The following PHLPP1 variants were observed in gnomAD, a reference collection of about 807,000 sequenced individuals.
The protein encoded by PHLPP1 is PH domain leucine-rich repeat-containing protein phosphatase 1.
Under a neutral mutation model 117.2 loss-of-function variants are expected in PHLPP1, and 42 were observed. That is an observed-to-expected ratio of 0.36 (90% CI 0.28 to 0.46). PHLPP1 has a LOEUF of 0.46. PHLPP1 is among the 20% of genes least tolerant of loss of function. The probability of loss-of-function intolerance (pLI) is 1.00; values close to 1 mark genes in which losing one functional copy is unlikely to be tolerated. For missense variants in PHLPP1, 2,084 were observed against 2,241.9 expected (o/e 0.93, Z 1.42); for synonymous variants, 1,042 against 970.7 (o/e 1.07, Z -1.37).
chr18:62,802,304 G>C (rs34859970), intron 1 of PHLPP1, among the ~76,000 whole-genome samples: 1 of 152,186 alleles, frequency 6.6e-6, no homozygotes, highest in Admixed American at 6.5e-5. Context: ...GAGCAACCCA[G>C]GAAGGAAGTG....
Position 62,716,151 on chromosome 18 carries a change from C to A in PHLPP1, c.468C>A (p.Gly156=). The change falls in exon 1 of 17, where the codon GGC becomes GGA. Residue 156 remains glycine (G), a synonymous_variant. Transcript: ENST00000262719. The surrounding 1 kb of genome is among the most constrained non-coding windows in gnomAD (Gnocchi z 5.7). ...AAASHSPGAA[G]LPASCSASAS... ...CCTCGCACTCCCCCGGCGCTGCCGG[C>A]CTCCCCGCCTCCTGCTCGGCCTCGG... The A allele has an allele frequency of 6.6e-7, 1 of 1,518,140 alleles. No individual in the cohort carries two copies. Among genetic ancestry groups the A allele is most frequent in the Non-Finnish European group, 8.8e-7 (1 of 1,139,126 alleles). 94.0% of individuals were successfully genotyped at this position (1,518,140 alleles called of 1,614,324 possible).
chr18:62,976,307 A>G (rs967598974), intron 16 of PHLPP1, among the ~76,000 whole-genome samples: 2 of 152,200 alleles, frequency 1.3e-5, no homozygotes, highest in African/African-American at 4.8e-5. Context: ...CCCACAATGC[A>G]CAGGGCAGTC....
At chr18:62,900,520 C>G (rs935561875) in intron 6 of PHLPP1, among the ~76,000 whole-genome samples, 2 of 130,214 alleles carry the variant, frequency 1.5e-5, no homozygotes, top group Non-Finnish European at 3.1e-5. Flanking sequence ...GTTACCCAAG[C>G]TGTGGTGCAA....
At chr18:62,798,188 T>C (rs1304949200) in intron 1 of PHLPP1, among the ~76,000 whole-genome samples, 1 of 152,136 alleles carries the variant, frequency 6.6e-6, no homozygotes, top group Admixed American at 6.5e-5. Flanking sequence ...GCCCACAAAT[T>C]TGCTTTTCTA....
At chr18:62,967,583 C>T (rs1339783304) in intron 14 of PHLPP1, among the ~76,000 whole-genome samples, 1 of 151,538 alleles carries the variant, frequency 6.6e-6, no homozygotes, top group African/African-American at 2.4e-5. Flanking sequence ...TTTGTAGACA[C>T]CCTTTATCAA....
At chr18:62,815,734 T>C (rs1451105092) in intron 1 of PHLPP1, among the ~76,000 whole-genome samples, 1 of 152,238 alleles carries the variant, frequency 6.6e-6, no homozygotes, top group Non-Finnish European at 1.5e-5. Context: ...AGTCACTAAG[T>C]GCAGTACAGA....
intron 1 of PHLPP1, among the ~76,000 whole-genome samples, chr18:62,815,793 A>G (rs1055819717): frequency 3.3e-5 from 5 of 152,200 alleles, no homozygotes; most frequent in Admixed American, 1.3e-4. Context: ...AAGAATTTAA[A>G]ATAATTTGTG....
At chr18:62,763,890 C>T (rs1035724701) in intron 1 of PHLPP1, among the ~76,000 whole-genome samples, 8 of 151,856 alleles carry the variant, frequency 5.3e-5, no homozygotes, top group Admixed American at 4.6e-4. Flanking sequence ...AAGCTGGGTG[C>T]GGTGGCTCAC....
chr18:62,953,697 G>C (rs1323458520), intron 12 of PHLPP1, among the ~76,000 whole-genome samples: 3 of 152,146 alleles, frequency 2.0e-5, no homozygotes, highest in African/African-American at 7.2e-5. Context: ...AAGAATACTT[G>C]CATTTATTTA....
At chr18:62,906,065 A>T (rs1916840692) in intron 8 of PHLPP1, among the ~76,000 whole-genome samples, 1 of 152,198 alleles carries the variant, frequency 6.6e-6, no homozygotes, top group Non-Finnish European at 1.5e-5. Context: ...TTTGTGGCCC[A>T]CTCAAGGTGA....
At chr18:62,917,888 G>A (rs1006018652) in intron 9 of PHLPP1, among the ~76,000 whole-genome samples, 5 of 151,786 alleles carry the variant, frequency 3.3e-5, no homozygotes, top group East Asian at 1.9e-4. Context: ...CTCATACTTT[G>A]TCTATCCAAG....
chr18:62,974,170 C>T (rs1290477785), intron 15 of PHLPP1, among the ~76,000 whole-genome samples: 1 of 152,166 alleles, frequency 6.6e-6, no homozygotes, highest in African/African-American at 2.4e-5. Context: ...TTTTACAAAT[C>T]ACTGTGCCTG....
At chr18:62,854,562 A>G (rs1915444934) in intron 3 of PHLPP1, among the ~76,000 whole-genome samples, 1 of 152,116 alleles carries the variant, frequency 6.6e-6, no homozygotes, top group African/African-American at 2.4e-5. Flanking sequence ...GAGTACATCT[A>G]ATTTTCTTTG....
rs564608884 is a variant in PHLPP1, at chr18:62,828,489, T to C, written c.1577-1546T>C. 1.1e-3 allele frequency among the ~76,000 whole-genome samples: 162 copies of C among 152,344 alleles called. 1 individual carries two copies. The highest frequency in any genetic ancestry group is 3.8e-3 in the African/African-American group (157 of 41,590). ...GGTTCAAGTAGCTGAATCACTGTTA[T>C]ACTTCATCCTGGCCCAGCCTCAGCA... On this transcript the variant is annotated intron_variant, in intron 1 of 16. Coordinates refer to ENST00000262719, the MANE Select transcript of PHLPP1 (RefSeq NM_194449.4).
chr18:62,905,542 T>C (rs1490052412), intron 8 of PHLPP1, among the ~76,000 whole-genome samples: 1 of 152,238 alleles, frequency 6.6e-6, no homozygotes, highest in Non-Finnish European at 1.5e-5. Context: ...GAGGGCCATA[T>C]GGCTTAAAGC....
chr18:62,725,232 C>T (rs1392001773), intron 1 of PHLPP1, among the ~76,000 whole-genome samples: 2 of 151,758 alleles, frequency 1.3e-5, no homozygotes, highest in Non-Finnish European at 2.9e-5. Context: ...TAGTGGCGCA[C>T]GCCTGTAATT....
At chr18:62,728,024 C>T (rs1041313289) in intron 1 of PHLPP1, among the ~76,000 whole-genome samples, 3 of 152,012 alleles carry the variant, frequency 2.0e-5, no homozygotes, top group Non-Finnish European at 4.4e-5. Context: ...CGGTGGCTCA[C>T]GCGTGTAATC....
At chr18:62,925,049 AAT>A (rs1468486379) in intron 10 of PHLPP1, among the ~76,000 whole-genome samples, 1 of 151,878 alleles carries the variant, frequency 6.6e-6, no homozygotes, top group Non-Finnish European at 1.5e-5. Context: ...CTGTCTTTTT[AAT>A]TAGAGTTGAG....
Position 62,766,098 on chromosome 18 carries a change from TATATAA to T in PHLPP1, c.1576+48841_1576+48846del, listed in dbSNP as rs1261902805. 2.6e-4 allele frequency among the ~76,000 whole-genome samples: 21 copies of T among 80,308 alleles called. 1 individual carries two copies. The highest frequency in any genetic ancestry group is 4.8e-4 in the African/African-American group (12 of 24,772). 52.7% of individuals were successfully genotyped at this position (80,308 alleles called of 152,430 possible). A position where few individuals can be genotyped will look rare whatever the true frequency, so the allele number is the denominator to read the frequency against. ...AAAAATATATATATATATATATATA[TATATAA>T]AATATATATATATTTGTACAGAAAA... On this transcript the variant is annotated intron_variant, in intron 1 of 16. Transcript: ENST00000262719.
Sources: gnomAD v4.1 joint callset for allele counts (sites outside exome capture counted in the v4.1 genomes callset) on GRCh38, gnomAD v4.1.1 for gene constraint, Gnocchi (gnomAD v3.1) non-coding constraint, MANE v1.5 for transcripts, NCBI Gene and HGNC (gene_info 2026-07-23, HGNC 2026-07-21) for gene names.